CEP290: variants seen among roughly 807,000 people sequenced by gnomAD.
CEP290 encodes centrosomal protein 290, also known as centrosomal protein of 290 kDa.
CEP290 carries 317 observed loss-of-function variants against 344.9 expected under a neutral mutation model. That is an observed-to-expected ratio of 0.92 (90% CI 0.84 to 1.01). The LOEUF (loss-of-function observed/expected upper bound fraction) is 1.01, where lower values mean the gene tolerates loss of function less well. CEP290 is among the 50% of genes least tolerant of loss of function. CEP290 has a pLI of 0.00. For synonymous variants in CEP290, 932 were observed against 895.8 expected (o/e 1.04, Z -0.72); for missense variants, 2,754 against 2,761.4 (o/e 1.00, Z 0.06).
chr12:88,088,421 A>G (rs548622077), intron 31 of CEP290, among the ~76,000 whole-genome samples: 4 of 152,302 alleles, frequency 2.6e-5, no homozygotes, highest in Admixed American at 2.6e-4. Context: ...AAATCAACTG[A>G]TAACTACTAC....
Position 88,080,244 on chromosome 12 carries a change from T to C in CEP290, c.5164A>G (p.Thr1722Ala), listed in dbSNP as rs375817905. 145 of 1,613,650 alleles carry C rather than the reference T, an allele frequency of 9.0e-5. No homozygotes were observed. Among genetic ancestry groups the C allele is most frequent in the Middle Eastern group, 1.6e-4 (1 of 6,062 alleles). The change falls in exon 38 of 54, where the codon ACA becomes GCA. Residue 1722 changes from threonine (T) to alanine (A), a missense_variant. Physicochemically the swap from Thr to Ala is moderately conservative, Grantham distance 58. Coordinates refer to ENST00000552810, the MANE Select transcript of CEP290 (RefSeq NM_025114.4). ...KEANSRAPTT[T>A]MRNLVERLKS... Reference sequence around the variant, plus strand: ...AGCCGTTCTACTAGATTTCTCATTGTAGTTGTTGGAGCTCTTGAATTTGCT... The same window carrying C: ...AGCCGTTCTACTAGATTTCTCATTGCAGTTGTTGGAGCTCTTGAATTTGCT...
chr12:88,120,880 T>G, intron 14 of CEP290, 117 bp downstream of exon 14: 1 of 820,776 alleles, frequency 1.2e-6, no homozygotes, highest in South Asian at 1.9e-5. Context: ...AGGATAATCT[T>G]TATCAAAAGA....
At chr12:88,139,401 A>T in intron 4 of CEP290, 94 bp downstream of exon 4, 1 of 679,692 alleles carries the variant, frequency 1.5e-6, no homozygotes, top group African/African-American at 1.9e-5. Flanking sequence ...CTGAATATAT[A>T]TATTTTATAG....
At chr12:88,064,768 C>A (rs1435357122) in intron 44 of CEP290, among the ~76,000 whole-genome samples, 1 of 152,092 alleles carries the variant, frequency 6.6e-6, no homozygotes, top group South Asian at 2.1e-4. Context: ...ATCAACCCTG[C>A]TGATGTCTTG....
At position 88,118,957 on chromosome 12, in the gene CEP290, T is replaced by C. The variant is rs2039241224; in HGVS notation, c.1523-214A>G. 2.6e-5 allele frequency among the ~76,000 whole-genome samples: 4 copies of C among 152,182 alleles called. No homozygotes were observed. The South Asian group carries it at 6.2e-4, about 24-fold the overall frequency. ...ATGGAAATCCTAACAAAAACCTAAA[T>C]GAAATTATAAACCAAGATTTGGAGC... On this transcript the variant is annotated intron_variant, in intron 15 of 53. Transcript: ENST00000552810.
intron 43 of CEP290, 57 bp downstream of exon 43, chr12:88,071,237 T>C: frequency 7.3e-7 from 1 of 1,364,246 alleles, no homozygotes; most frequent in Non-Finnish European, 1.0e-6. Context: ...TTTCAATTTC[T>C]AGGGGTCAAC....
At chr12:88,111,572 T>G in intron 21 of CEP290, 122 bp downstream of exon 21, 1 of 889,310 alleles carries the variant, frequency 1.1e-6, no homozygotes, top group Non-Finnish European at 1.6e-6. Context: ...AGTTTCTTAA[T>G]ATTGAAAGAA....
intron 19 of CEP290, 144 bp downstream of exon 19, chr12:88,114,954 T>C: frequency 4.0e-6 from 2 of 502,802 alleles, no homozygotes; most frequent in East Asian, 7.0e-5. Flanking sequence ...AACTGGATAG[T>C]GACAGACTGA....
intron 11 of CEP290, among the ~76,000 whole-genome samples, chr12:88,127,594 T>TA (rs1239079840): frequency 1.3e-5 from 2 of 151,756 alleles, no homozygotes; most frequent in Non-Finnish European, 2.9e-5. Context: ...CAAAAGTCAT[T>TA]AAAAAATAAT....
Position 88,125,624 on chromosome 12 carries a change from A to G in CEP290, c.1066-255T>C, listed in dbSNP as rs2468260. ...GGATTTCCAGAACTCCCTAATGTTT[A>G]TGGCTTCTATACTTCCTTATATGTT... On this transcript the variant is annotated intron_variant, in intron 12 of 53. Coordinates refer to ENST00000552810, the MANE Select transcript of CEP290 (RefSeq NM_025114.4). Among the ~76,000 whole-genome samples, 133,937 of 151,950 alleles carry G rather than the reference A, an allele frequency of 0.88. 59,909 individuals are homozygous for G. The highest frequency in any genetic ancestry group is 0.99 in the East Asian group (5,116 of 5,176).
chr12:88,103,722 CA>C (rs2038068995), intron 25 of CEP290: 1 of 151,764 alleles, frequency 6.6e-6, no homozygotes, highest in Non-Finnish European at 1.5e-5. Context: ...AAGGAATAAT[CA>C]AATTTATGAA....
intron 47 of CEP290, 103 bp from the exon 48 acceptor site, chr12:88,060,123 T>C: frequency 9.9e-7 from 1 of 1,009,452 alleles, no homozygotes; most frequent in South Asian, 1.6e-5. Context: ...TTAGAAACCA[T>C]ATTTGATATG....
intron 30 of CEP290, among the ~76,000 whole-genome samples, 178 bp from the exon 31 acceptor site, chr12:88,089,665 C>A (rs1204974746): frequency 6.6e-6 from 1 of 151,466 alleles, no homozygotes; most frequent in Non-Finnish European, 1.5e-5. Flanking sequence ...AAAGAAAAAA[C>A]CTAGAATCAA....
intron 26 of CEP290, among the ~76,000 whole-genome samples, chr12:88,100,857 T>C (rs938789086): frequency 1.3e-5 from 2 of 152,130 alleles, no homozygotes; most frequent in African/African-American, 4.8e-5. Flanking sequence ...AATGGTTCCC[T>C]ATATATAGAA....
At chr12:88,052,814 C>A (rs1308260291) in intron 52 of CEP290, among the ~76,000 whole-genome samples, 2 of 152,152 alleles carry the variant, frequency 1.3e-5, no homozygotes, top group African/African-American at 4.8e-5. Flanking sequence ...TAACAAGCCT[C>A]AGAATTGGGA....
chr12:88,068,678 C>A, intron 43 of CEP290, 33 bp from the exon 44 acceptor site: 2 of 1,547,736 alleles, frequency 1.3e-6, no homozygotes, highest in Non-Finnish European at 1.7e-6. Flanking sequence ...CTTTACTATT[C>A]ACATTTCATC....
At chr12:88,088,811 A>T (rs941810662) in intron 31 of CEP290, among the ~76,000 whole-genome samples, 5 of 152,280 alleles carry the variant, frequency 3.3e-5, no homozygotes, top group Non-Finnish European at 7.4e-5. Flanking sequence ...CCTGGGTGAC[A>T]AAGTGAGACC....
chr12:88,056,036 A>G (rs1022289547), intron 49 of CEP290, among the ~76,000 whole-genome samples: 19 of 152,178 alleles, frequency 1.2e-4, no homozygotes, highest in African/African-American at 4.6e-4. Context: ...TTCAGAATAT[A>G]AAATTCTGTA....
rs2035130236 is a variant in CEP290, at chr12:88,068,663, A to G, written c.6012-18T>C. 2 of 1,584,874 alleles carry G rather than the reference A, an allele frequency of 1.3e-6. No individual in the cohort carries two copies. The highest frequency in any genetic ancestry group is 1.4e-5 in the African/African-American group (1 of 73,114). ...GGTGGGCCCTATGAACAACAATCAC[A>G]GACTCTTTACTATTCACATTTCATC... On this transcript the variant is annotated intron_variant, in intron 43 of 53. Transcript: ENST00000552810.
Sources: allele counts gnomAD v4.1 joint callset (sites outside exome capture counted in the v4.1 genomes callset), GRCh38; gene constraint gnomAD v4.1.1; transcripts MANE v1.5; gene names NCBI Gene and HGNC (gene_info 2026-07-23, HGNC 2026-07-21).